Variants in RAF1 observed in about 807,000 individuals in gnomAD.
RAF1 encodes Raf-1 proto-oncogene, serine/threonine kinase, also known as RAF proto-oncogene serine/threonine-protein kinase.
In RAF1, 27 loss-of-function variants were observed where a neutral mutation model predicts 81.1. The ratio of observed to expected loss-of-function variants is 0.33; its 90% CI spans 0.25 to 0.46. The LOEUF (loss-of-function observed/expected upper bound fraction) is 0.46, where lower values mean the gene tolerates loss of function less well. Among genes scored for constraint, RAF1 ranks in the 20% least tolerant of loss-of-function variants. The pLI is 1.00. For synonymous variants in RAF1, 298 were observed against 294.0 expected, an observed-to-expected ratio of 1.01 and a Z score of -0.14; for missense variants, 598 against 826.0, an observed-to-expected ratio of 0.72 and a Z score of 3.38.
At chr3:12,629,027 A>C (rs1416156568) in intron 1 of RAF1, among the ~76,000 whole-genome samples, 2 of 152,154 alleles carry the variant, frequency 1.3e-5, no homozygotes, top group African/African-American at 4.8e-5. Context: ...TATAGGCATG[A>C]GCTACCACAC....
chr3:12,611,193 T>C (rs1277276428), intron 3 of RAF1, among the ~76,000 whole-genome samples: 1 of 152,094 alleles, frequency 6.6e-6, no homozygotes, highest in East Asian at 1.9e-4. Context: ...TATCAATACC[T>C]AACATGTGTT....
chr3:12,591,874 G>C (rs1301737483), intron 11 of RAF1, 82 bp from the exon 11 acceptor site: 1 of 1,072,108 alleles, frequency 9.3e-7, no homozygotes, highest in Non-Finnish European at 1.4e-6. Flanking sequence ...AAGATACAGT[G>C]AATCATTTAT....
At chr3:12,603,594 G>A (rs2058931608) in intron 7 of RAF1, 1 of 659,766 alleles carries the variant, frequency 1.5e-6, no homozygotes, top group Non-Finnish European at 2.7e-6. Flanking sequence ...GTATTTAAGT[G>A]TATTCAGTTG....
At position 12,587,628 on chromosome 3, in the gene RAF1, A is replaced by C; in HGVS notation, c.1440T>G (p.His480Gln). Residue 480 changes from histidine to glutamine, a missense_variant, in exon 14 of 18, where the codon CAT becomes CAG. Transcript: ENST00000442415. ...TGTCTCTATGGATGATGTTCTTTGC[A>C]TGCAAATAGCTGTGAAGGGAAAAGA... 1 of 1,609,628 alleles carries C rather than the reference A, an allele frequency of 6.2e-7. No homozygotes were observed. Among genetic ancestry groups the C allele is most frequent in the Non-Finnish European group, 8.5e-7 (1 of 1,175,870 alleles).
chr3:12,631,440 T>C (rs1006308025), intron 1 of RAF1, among the ~76,000 whole-genome samples: 1 of 147,400 alleles, frequency 6.8e-6, no homozygotes, highest in East Asian at 1.9e-4. Flanking sequence ...CTACTAAAAA[T>C]ACGAAAAAAT....
intron 13 of RAF1, chr3:12,589,728 G>C (rs2058440817): frequency 6.6e-6 from 1 of 152,072 alleles, no homozygotes; most frequent in African/African-American, 2.4e-5. Context: ...TTGCGCCGCT[G>C]CACTCTAGCA....
intron 14 of RAF1, among the ~76,000 whole-genome samples, chr3:12,586,518 TATA>T (rs1333792721): frequency 3.3e-5 from 5 of 152,304 alleles, no homozygotes; most frequent in African/African-American, 7.2e-5. Context: ...GCTTTCATGG[TATA>T]ATGTTTGGCT....
chr3:12,610,682 A>G (rs2059182948), intron 3 of RAF1, among the ~76,000 whole-genome samples: 1 of 152,230 alleles, frequency 6.6e-6, no homozygotes, highest in Non-Finnish European at 1.5e-5. Flanking sequence ...TCCCTGGGCT[A>G]TTCTCCCAAA....
chr3:12,642,294 C>CA (rs112792127), intron 1 of RAF1, among the ~76,000 whole-genome samples: 10,082 of 135,554 alleles, frequency 0.074, 704 homozygotes, highest in African/African-American at 0.19. Flanking sequence ...ACTAAAAATA[C>CA]AAAAAAAAAA....
intron 1 of RAF1, among the ~76,000 whole-genome samples, chr3:12,641,941 T>C (rs1270808784): frequency 6.6e-6 from 1 of 151,156 alleles, no homozygotes; most frequent in Non-Finnish European, 1.5e-5. Context: ...AGGTCAGGAG[T>C]TCGAGACCAG....
chr3:12,591,027 T>C, intron 12 of RAF1, 53 bp from the exon 12 acceptor site: 1 of 1,501,960 alleles, frequency 6.7e-7, no homozygotes, highest in Non-Finnish European at 9.1e-7. Flanking sequence ...CTCAGGGAGG[T>C]CTACTGTGCT....
intron 1 of RAF1, among the ~76,000 whole-genome samples, chr3:12,633,488 T>TAA (rs11414306): frequency 2.9e-3 from 318 of 109,434 alleles, no homozygotes; most frequent in African/African-American, 8.5e-3. Context: ...GTCTGGAAAT[T>TAA]AAAAAAAAAA....
chr3:12,640,953 G>A (rs1178942661), intron 1 of RAF1, among the ~76,000 whole-genome samples: 2 of 152,010 alleles, frequency 1.3e-5, no homozygotes, highest in Non-Finnish European at 2.9e-5. Context: ...GCAAAGACCT[G>A]GAACCAACCC....
chr3:12,591,084 C>T, intron 12 of RAF1, 110 bp from the exon 12 acceptor site: 3 of 996,242 alleles, frequency 3.0e-6, no homozygotes, highest in Non-Finnish European at 4.4e-6. Flanking sequence ...CCCCCAGTCC[C>T]AACACCACCC....
chr3:12,584,036 T>C lies in RAF1; in HGVS notation c.*478A>G. On this transcript the variant is annotated 3_prime_UTR_variant, in exon 18 of 18. Coordinates refer to ENST00000442415, the MANE Select transcript of RAF1 (RefSeq NM_001354689.3). Reference sequence around the variant, plus strand: ...AGAGTCTCGGCAGTCCTGGGCTGTTTGGTGCCTTATGTGCAAAATGTCTGG... The same window carrying C: ...AGAGTCTCGGCAGTCCTGGGCTGTTCGGTGCCTTATGTGCAAAATGTCTGG... 3.6e-6 allele frequency: 1 copy of C among 277,050 alleles called. No individual in the cohort carries two copies. The highest frequency in any genetic ancestry group is 7.0e-6 in the Non-Finnish European group (1 of 142,620). The allele number at this position is 277,050 out of a possible 1,614,324, so 17.2% of individuals were successfully genotyped here.
intron 4 of RAF1, 108 bp downstream of exon 4, chr3:12,609,125 A>G: frequency 9.3e-7 from 1 of 1,080,010 alleles, no homozygotes; most frequent in Non-Finnish European, 1.4e-6. Context: ...AAAGAACTTT[A>G]AACAATCCAA....
intron 10 of RAF1, 71 bp from the exon 10 acceptor site, chr3:12,599,879 G>T: frequency 1.6e-5 from 20 of 1,259,398 alleles, no homozygotes; most frequent in Non-Finnish European, 2.3e-5. Context: ...GGGCATCAAA[G>T]GATCAACCCA....
At chr3:12,651,839 G>A (rs912534861) in intron 1 of RAF1, among the ~76,000 whole-genome samples, 2 of 150,320 alleles carry the variant, frequency 1.3e-5, no homozygotes, top group African/African-American at 2.4e-5. Flanking sequence ...GTGAAAACCC[G>A]TCTCTACTAA....
intron 1 of RAF1, among the ~76,000 whole-genome samples, chr3:12,644,142 C>A (rs564598380): frequency 6.6e-6 from 1 of 152,182 alleles, no homozygotes; most frequent in South Asian, 2.1e-4. Flanking sequence ...GGGAGCAGCA[C>A]ACATACAAAG....
Sources: allele counts gnomAD v4.1 joint callset (sites outside exome capture counted in the v4.1 genomes callset), GRCh38; gene constraint gnomAD v4.1.1; transcripts MANE v1.5; gene names NCBI Gene and HGNC (gene_info 2026-07-23, HGNC 2026-07-21).